Variants in CMPK1 observed in about 807,000 individuals in gnomAD.
The protein encoded by CMPK1 is UMP-CMP kinase.
A neutral mutation model predicts 25.7 loss-of-function variants in CMPK1; 10 were observed. The ratio of observed to expected loss-of-function variants is 0.39; its 90% confidence interval spans 0.24 to 0.66. CMPK1 has a LOEUF of 0.66. Among genes scored for constraint, CMPK1 ranks in the 30% least tolerant of loss-of-function variants. The pLI, the probability that CMPK1 is intolerant of heterozygous loss-of-function variation, is 0.48. For missense variants in CMPK1, 199 were observed against 280.5 expected (o/e 0.71, Z 2.08); for synonymous variants, 106 against 101.5 (o/e 1.04, Z -0.27).
chr1:47,360,805 C>G (rs60145556), intron 1 of CMPK1, among the ~76,000 whole-genome samples: 2,468 of 152,226 alleles, frequency 0.016, 79 homozygotes, highest in African/African-American at 0.057. Context: ...TATTGTCATC[C>G]AAAAGACCAC....
intron 1 of CMPK1, among the ~76,000 whole-genome samples, chr1:47,348,391 A>G (rs555853899): frequency 6.6e-6 from 1 of 152,186 alleles, no homozygotes; most frequent in South Asian, 2.1e-4. Context: ...AATTAAGAAC[A>G]TTTTTACAGA....
intron 1 of CMPK1, among the ~76,000 whole-genome samples, chr1:47,351,078 T>TTTTG (rs371788247): frequency 0.012 from 1,805 of 151,908 alleles, 24 homozygotes; most frequent in African/African-American, 0.037. Context: ...TTAACATAAT[T>TTTTG]TTTGTTTGTT....
chr1:47,375,674 G>A (rs1159874339), intron 5 of CMPK1, among the ~76,000 whole-genome samples: 4 of 152,180 alleles, frequency 2.6e-5, no homozygotes, highest in African/African-American at 9.7e-5. Context: ...AATGTGAGTT[G>A]GATCACATGA....
At chr1:47,366,751 G>A (rs777408367) in intron 1 of CMPK1, among the ~76,000 whole-genome samples, 7 of 152,032 alleles carry the variant, frequency 4.6e-5, no homozygotes, top group Non-Finnish European at 1.0e-4. Flanking sequence ...TTGAGATGGA[G>A]TCTCACTCTG....
intron 1 of CMPK1, among the ~76,000 whole-genome samples, chr1:47,339,701 CTTTTTTT>C (rs71053104): frequency 9.1e-6 from 1 of 109,956 alleles, no homozygotes; most frequent in South Asian, 3.3e-4. Context: ...TCTTCCTTTC[CTTTTTTT>C]TTTTTTTTTT....
At position 47,333,928 on chromosome 1, in the gene CMPK1, C is replaced by G. The variant is rs1333236515; in HGVS notation, c.-18C>G. ...CGGCCGCTGTCAGCTCCCTCAGCGT[C>G]CGGCCGAGGCGCGGTGTATGCTGAG... On this transcript the variant is annotated 5_prime_UTR_variant, in exon 1 of 6. Coordinates refer to ENST00000371873, the MANE Select transcript of CMPK1 (RefSeq NM_016308.3). 7.4e-7 allele frequency: 1 copy of G among 1,344,920 alleles called. No homozygotes were observed. 83.3% of individuals were successfully genotyped at this position (1,344,920 alleles called of 1,614,324 possible).
intron 1 of CMPK1, chr1:47,358,397 G>A: frequency 7.9e-7 from 1 of 1,273,578 alleles, no homozygotes; most frequent in Non-Finnish European, 1.0e-6. Context: ...ACAGGCATGA[G>A]CCACAGTGCG....
At chr1:47,347,042 C>T (rs1165167804) in intron 1 of CMPK1, among the ~76,000 whole-genome samples, 2 of 152,126 alleles carry the variant, frequency 1.3e-5, no homozygotes, top group Non-Finnish European at 2.9e-5. Context: ...CTCGGCCTCC[C>T]AAAGTCTTGG....
intron 1 of CMPK1, among the ~76,000 whole-genome samples, chr1:47,348,815 A>T (rs145020968): frequency 2.7e-4 from 41 of 152,288 alleles, no homozygotes; most frequent in African/African-American, 9.4e-4. Context: ...CACAAGCTTT[A>T]CCTGTATAAT....
chr1:47,376,648 T>C (rs1309044701), intron 5 of CMPK1, 56 bp from the exon 6 acceptor site: 2 of 1,097,982 alleles, frequency 1.8e-6, no homozygotes, highest in African/African-American at 3.1e-5. Context: ...AACTTAGCTG[T>C]ATGGTATTTT....
chr1:47,337,565 A>G (rs1646408143), intron 1 of CMPK1, among the ~76,000 whole-genome samples: 1 of 152,080 alleles, frequency 6.6e-6, no homozygotes, highest in Admixed American at 6.6e-5. Flanking sequence ...AATAGTTTAT[A>G]ATTTAGCAAT....
chr1:47,368,417 T>C (rs1210472634), intron 1 of CMPK1, 52 bp from the exon 2 acceptor site: 11 of 1,480,546 alleles, frequency 7.4e-6, no homozygotes, highest in Non-Finnish European at 5.4e-6. Flanking sequence ...AGTATAGTCC[T>C]ACCACTGGGT....
intron 1 of CMPK1, among the ~76,000 whole-genome samples, chr1:47,336,232 G>A (rs9436882): frequency 0.58 from 87,949 of 152,028 alleles, 27,567 homozygotes; most frequent in African/African-American, 0.83. Flanking sequence ...ATAGCATGAT[G>A]GGGGAAGGGG....
chr1:47,336,026 G>A (rs868241083), intron 1 of CMPK1, among the ~76,000 whole-genome samples: 1 of 152,150 alleles, frequency 6.6e-6, no homozygotes, highest in South Asian at 2.1e-4. Context: ...CTCCCAAAGT[G>A]CTGGGATTAT....
At chr1:47,359,003 G>A (rs1570368821) in intron 1 of CMPK1, 10 of 929,516 alleles carry the variant, frequency 1.1e-5, no homozygotes, top group Non-Finnish European at 1.3e-5. Flanking sequence ...TCATTTTAAT[G>A]TTATTTACCT....
intron 1 of CMPK1, among the ~76,000 whole-genome samples, chr1:47,334,363 C>T (rs1236127823): frequency 6.6e-6 from 1 of 152,136 alleles, no homozygotes; most frequent in Non-Finnish European, 1.5e-5. Context: ...CCCTTCTTTT[C>T]TTACATTTTG....
chr1:47,367,750 G>T (rs1041221084), intron 1 of CMPK1, among the ~76,000 whole-genome samples: 1 of 151,956 alleles, frequency 6.6e-6, no homozygotes, highest in Admixed American at 6.6e-5. Flanking sequence ...TGTGGAAGAA[G>T]AAGCTTTTCT....
Position 47,364,793 on chromosome 1 carries a change from A to G in CMPK1, c.172-3676A>G, listed in dbSNP as rs375611253. 2.6e-5 allele frequency among the ~76,000 whole-genome samples: 4 copies of G among 151,272 alleles called. No individual in the cohort carries two copies. In the East Asian group the frequency reaches 5.8e-4, roughly 22 times the overall value. Reference sequence around the variant, plus strand: ...ATATGTTTTGTTTTGTTTTTTAGAGACAGAGTCTTGCTCTGTCTCCCAGGC... The same window carrying G: ...ATATGTTTTGTTTTGTTTTTTAGAGGCAGAGTCTTGCTCTGTCTCCCAGGC... On this transcript the variant is annotated intron_variant, in intron 1 of 5. Coordinates refer to ENST00000371873, the MANE Select transcript of CMPK1 (RefSeq NM_016308.3).
chr1:47,357,215 G>A (rs750242463), intron 1 of CMPK1, among the ~76,000 whole-genome samples: 12 of 151,128 alleles, frequency 7.9e-5, no homozygotes, highest in South Asian at 2.1e-4. Context: ...TGCCTGCCTC[G>A]GCCTCCCAAA....
Sources: gnomAD v4.1 joint callset for allele counts (sites outside exome capture counted in the v4.1 genomes callset) on GRCh38, gnomAD v4.1.1 for gene constraint, MANE v1.5 for transcripts, NCBI Gene and HGNC (gene_info 2026-07-23, HGNC 2026-07-21) for gene names.